Variants in ZFHX3 observed in about 807,000 individuals in gnomAD.
The protein encoded by ZFHX3 is zinc finger homeobox protein 3.
A neutral mutation model predicts 279.1 loss-of-function variants in ZFHX3; 42 were observed. The ratio of observed to expected loss-of-function variants is 0.15; its 90% CI spans 0.12 to 0.19. The LOEUF (loss-of-function observed/expected upper bound fraction) is 0.19. Among genes scored for constraint, ZFHX3 ranks in the 10% least tolerant of loss-of-function variants. ZFHX3 has a pLI of 1.00. For synonymous variants in ZFHX3, 2,293 were observed against 1,957.8 expected (o/e 1.17, Z -4.52); for missense variants, 4,981 against 4,754.0 (o/e 1.05, Z -1.40).
rs1457713150 is a variant in ZFHX3 at position 73,127,414 on chromosome 16, GGTA to G, written c.-897+3551_-897+3553del. Reference sequence around the variant, plus strand: ...TATTTTTGGGGCCAGAGCCTTCCCAGGTAGTAGCTGGAGCATCTCTGTTCCGGA... The same window carrying G: ...TATTTTTGGGGCCAGAGCCTTCCCAGGTAGCTGGAGCATCTCTGTTCCGGA... On this transcript the variant is annotated intron_variant, in intron 7 of 17. Coordinates refer to the ZFHX3 transcript ENST00000641206. 4.6e-6 allele frequency: 6 copies of G among 1,305,330 alleles called. No individual in the cohort carries two copies. In the East Asian group the frequency reaches 2.2e-4, roughly 48 times the overall value. The allele number at this position is 1,305,330 out of a possible 1,614,324, so 80.9% of individuals were successfully genotyped here. A position where few individuals can be genotyped will look rare whatever the true frequency, so the allele number is the denominator to read the frequency against.
rs200664453 is a variant in ZFHX3 at position 72,793,236 on chromosome 16, C to T, written c.9427+19G>A. 2.1e-5 allele frequency: 33 copies of T among 1,583,048 alleles called. No individual in the cohort carries two copies. In the African/African-American group the frequency reaches 3.0e-4, roughly 14 times the overall value. ...GGCAGCTATTTAGCCCTGAAACAAT[C>T]GCCTAGAGCAGAACCCACCTGTGTT... On this transcript the variant is annotated intron_variant, in intron 9 of 9. Coordinates refer to ENST00000268489, the MANE Select transcript of ZFHX3 (RefSeq NM_006885.4). The surrounding 1 kb of genome is among the most constrained non-coding windows in gnomAD (Gnocchi z 4.3).
intron 3 of ZFHX3, among the ~76,000 whole-genome samples, chr16:72,944,361 T>C (rs1225811147): frequency 1.3e-5 from 2 of 152,228 alleles, no homozygotes; most frequent in Non-Finnish European, 2.9e-5. Context: ...TATGTGTGTG[T>C]GTACAGATAC....
rs570324299 is a variant in ZFHX3, at chr16:73,645,500, C to T, written c.-1547+34680G>A. On this transcript the variant is annotated intron_variant, in intron 2 of 17. Transcript: ENST00000641206. The stretch of plus-strand genomic sequence containing the variant: ...TTCCATCTCCTGACCTCGTGATCTG[C>T]CCGCCTTGGCCTCCCAAAGTGTAAA... 5.3e-5 allele frequency among the ~76,000 whole-genome samples: 8 copies of T among 152,226 alleles called. No individual in the cohort carries two copies. The South Asian group carries it at 1.7e-3, about 32-fold the overall frequency.
intron 3 of ZFHX3, among the ~76,000 whole-genome samples, chr16:73,417,247 A>C (rs2017607592): frequency 6.6e-6 from 1 of 152,070 alleles, no homozygotes; most frequent in Non-Finnish European, 1.5e-5. Context: ...GAGCTGAAGG[A>C]AACACAGCTA....
At chr16:72,855,325 G>A (rs574763071) in intron 4 of ZFHX3, among the ~76,000 whole-genome samples, 18 of 152,332 alleles carry the variant, frequency 1.2e-4, no homozygotes, top group Middle Eastern at 6.8e-3. Flanking sequence ...GCGTGCACGC[G>A]TGTGAAACAG....
intron 1 of ZFHX3, among the ~76,000 whole-genome samples, chr16:73,851,151 C>T (rs1036608853): frequency 6.6e-6 from 1 of 152,060 alleles, no homozygotes; most frequent in Non-Finnish European, 1.5e-5. Context: ...GCAAAGAGCT[C>T]GAACATAAAG....
chr16:73,090,762 T>C (rs1247507844), intron 8 of ZFHX3, among the ~76,000 whole-genome samples: 1 of 150,088 alleles, frequency 6.7e-6, no homozygotes, highest in Non-Finnish European at 1.5e-5. Context: ...ATACAAAACA[T>C]TAGCCAGGTG....
At chr16:73,743,080 A>T (rs450317) in intron 1 of ZFHX3, among the ~76,000 whole-genome samples, 13,241 of 152,208 alleles carry the variant, frequency 0.087, 856 homozygotes, top group African/African-American at 0.18. Context: ...ATAAAGTGAG[A>T]GTGTGTAATT....
chr16:73,526,513 ACCAGGCCTCGTTTCATATTCAAAATGAC>A (rs1188292829), intron 2 of ZFHX3, among the ~76,000 whole-genome samples: 1 of 152,220 alleles, frequency 6.6e-6, no homozygotes, highest in Non-Finnish European at 1.5e-5. Context: ...CAAAACATAA[ACCAGGCCTCGTTTCATATTCAAAATGAC>A]CCAGGCCCTG....
At chr16:72,882,496 T>C (rs1252133366) in intron 4 of ZFHX3, among the ~76,000 whole-genome samples, 1 of 152,134 alleles carries the variant, frequency 6.6e-6, no homozygotes, top group Non-Finnish European at 1.5e-5. Context: ...CTCAGGCCAC[T>C]GCGGCCAGGT....
chr16:73,111,785 G>A (rs1042604257), intron 7 of ZFHX3, among the ~76,000 whole-genome samples: 2 of 152,010 alleles, frequency 1.3e-5, no homozygotes, highest in Admixed American at 6.6e-5. Context: ...GGAGGGATTC[G>A]CCGTGCACCT....
intron 1 of ZFHX3, among the ~76,000 whole-genome samples, chr16:73,696,382 C>T (rs2053197781): frequency 6.6e-6 from 1 of 152,168 alleles, no homozygotes; most frequent in Non-Finnish European, 1.5e-5. Flanking sequence ...AGAGTCATAC[C>T]TACAGACTCA....
At chr16:73,286,062 G>A (rs761930954) in intron 4 of ZFHX3, among the ~76,000 whole-genome samples, 10 of 152,132 alleles carry the variant, frequency 6.6e-5, no homozygotes, top group Non-Finnish European at 1.0e-4. Context: ...AGTCTGTCAC[G>A]TAAACACATT....
At chr16:73,173,704 C>G (rs1303292443) in intron 5 of ZFHX3, among the ~76,000 whole-genome samples, 1 of 152,056 alleles carries the variant, frequency 6.6e-6, no homozygotes, top group Non-Finnish European at 1.5e-5. Flanking sequence ...CTGAAACGAC[C>G]ACAACCGCCC....
At chr16:73,525,717 G>T (rs774595489) in intron 2 of ZFHX3, among the ~76,000 whole-genome samples, 4 of 152,042 alleles carry the variant, frequency 2.6e-5, no homozygotes, top group Non-Finnish European at 5.9e-5. Context: ...ATATCTCCCC[G>T]ACCTCCTAGA....
At chr16:73,566,932 CAGGTGATCCGCCTGCCTTGGCCTCCCAA>C (rs2020460351) in intron 2 of ZFHX3, among the ~76,000 whole-genome samples, 1 of 152,164 alleles carries the variant, frequency 6.6e-6, no homozygotes, top group African/African-American at 2.4e-5. Context: ...CTCCCAACCT[CAGGTGATCCGCCTGCCTTGGCCTCCCAA>C]AGTGTTGGGA....
At chr16:73,226,831 G>T (rs1330609984) in intron 5 of ZFHX3, among the ~76,000 whole-genome samples, 1 of 152,324 alleles carries the variant, frequency 6.6e-6, no homozygotes, top group South Asian at 2.1e-4. Context: ...TAGTCAGTGT[G>T]AAGCAGAGGA....
intron 7 of ZFHX3, among the ~76,000 whole-genome samples, chr16:72,802,577 A>T (rs2036139502): frequency 6.6e-6 from 1 of 152,208 alleles, no homozygotes; most frequent in African/African-American, 2.4e-5. Flanking sequence ...GGGTTGGTAT[A>T]TGAAATTTTG....
chr16:72,814,617 T>G (rs2036553314), intron 5 of ZFHX3, among the ~76,000 whole-genome samples: 1 of 151,992 alleles, frequency 6.6e-6, no homozygotes, highest in African/African-American at 2.4e-5. Context: ...TTCTTTTTTT[T>G]TTTTTTTTCC....
Sources: allele counts gnomAD v4.1 joint callset (sites outside exome capture counted in the v4.1 genomes callset), GRCh38; gene constraint gnomAD v4.1.1; non-coding constraint Gnocchi (gnomAD v3.1); transcripts MANE v1.5; gene names NCBI Gene and HGNC (gene_info 2026-07-23, HGNC 2026-07-21).